The following EDIL3 variants were observed in gnomAD, a reference collection of about 807,000 sequenced individuals.
EDIL3 encodes the protein EGF-like repeat and discoidin I-like domain-containing protein 3.
EDIL3 carries 37 observed loss-of-function variants against 67.4 expected under a neutral mutation model. That is an observed-to-expected ratio of 0.55 (90% CI 0.42 to 0.72). The LOEUF (loss-of-function observed/expected upper bound fraction) is 0.72, where lower values mean the gene tolerates loss of function less well. EDIL3 is among the 30% of genes least tolerant of loss of function. The pLI, the probability that EDIL3 is intolerant of heterozygous loss-of-function variation, is 0.00. For missense variants in EDIL3, 527 were observed against 586.3 expected (o/e 0.90, Z 1.04); for synonymous variants, 195 against 196.3 (o/e 0.99, Z 0.05).
chr5:84,139,063 C>T (rs549946354), intron 4 of EDIL3, among the ~76,000 whole-genome samples: 8 of 152,208 alleles, frequency 5.3e-5, no homozygotes, highest in African/African-American at 1.9e-4. Context: ...CATGGTGAAA[C>T]CTTGTCTCTA....
At chr5:83,992,868 A>ATTTT (rs1745174734) in intron 9 of EDIL3, among the ~76,000 whole-genome samples, 1 of 151,744 alleles carries the variant, frequency 6.6e-6, no homozygotes, top group Non-Finnish European at 1.5e-5. Flanking sequence ...AAAAATATTA[A>ATTTT]AAATATTTTT....
intron 4 of EDIL3, among the ~76,000 whole-genome samples, chr5:84,153,112 C>T (rs1748426901): frequency 6.6e-6 from 1 of 152,074 alleles, no homozygotes; most frequent in Non-Finnish European, 1.5e-5. Context: ...CAATAGCTAA[C>T]ATTTCTCATT....
chr5:84,084,967 T>C (rs1285971528), intron 6 of EDIL3, among the ~76,000 whole-genome samples: 2 of 152,242 alleles, frequency 1.3e-5, no homozygotes, highest in East Asian at 1.9e-4. Context: ...GCATTGTAAT[T>C]TACCTTGAAT....
At position 84,066,457 on chromosome 5, in the gene EDIL3, T is replaced by G; in HGVS notation, c.801A>C (p.Glu267Asp). The G allele has an allele frequency of 6.3e-7, 1 of 1,596,310 alleles. No individual in the cohort carries two copies. The highest frequency in any genetic ancestry group is 8.5e-7 in the Non-Finnish European group (1 of 1,175,648). The change falls in exon 7 of 11, where the codon GAA (glutamate) becomes GAC (aspartate). Residue 267 changes from glutamate (E) to aspartate (D), a missense_variant. Glu to Asp is a conservative substitution (Grantham distance 45). Coordinates refer to ENST00000296591, the MANE Select transcript of EDIL3 (RefSeq NM_005711.5). The stretch of plus-strand genomic sequence containing the variant: ...TAGGTTAAATTATTCTTACCATGTC[T>G]TCATTGGTGCCTTTCACTTTGTACA... ...WAMYKVKGTN[E>D]DMVFRGNIDN...
intron 6 of EDIL3, among the ~76,000 whole-genome samples, chr5:84,084,991 C>T (rs1353261344): frequency 6.6e-6 from 1 of 152,060 alleles, no homozygotes; most frequent in East Asian, 1.9e-4. Flanking sequence ...TTTGAATGTC[C>T]TAATAACATA....
chr5:84,072,285 C>G (rs1561422113), intron 6 of EDIL3, among the ~76,000 whole-genome samples: 2 of 151,950 alleles, frequency 1.3e-5, no homozygotes, highest in East Asian at 1.9e-4. Flanking sequence ...TAAAACACAA[C>G]TAACCCAATA....
chr5:84,319,814 T>C (rs1267978078), intron 1 of EDIL3, among the ~76,000 whole-genome samples: 1 of 152,090 alleles, frequency 6.6e-6, no homozygotes, highest in African/African-American at 2.4e-5. Flanking sequence ...CAGAATACTA[T>C]GCAGCCATAA....
At chr5:83,978,636 C>T (rs1744913295) in intron 9 of EDIL3, among the ~76,000 whole-genome samples, 1 of 151,988 alleles carries the variant, frequency 6.6e-6, no homozygotes, top group South Asian at 2.1e-4. Flanking sequence ...AACAGTGATA[C>T]TGTTATAAGG....
chr5:84,093,663 T>TTC lies in EDIL3; in HGVS notation c.651+12985_651+12986insGA, dbSNP rs1359927910. Among the ~76,000 whole-genome samples the TTC allele has an allele frequency of 3.1e-3, 463 of 150,012 alleles. 4 individuals are homozygous for TTC. The highest frequency in any genetic ancestry group is 0.011 in the African/African-American group (437 of 40,884). On this transcript the variant is annotated intron_variant, in intron 6 of 10. Coordinates refer to ENST00000296591, the MANE Select transcript of EDIL3 (RefSeq NM_005711.5). Reference sequence around the variant, plus strand: ...GAAGAGATTTCAGATGCAGCCTTTTTTTTTTTTTTTTTTTCAGACGGGGTC... The same window carrying TTC: ...GAAGAGATTTCAGATGCAGCCTTTTTTCTTTTTTTTTTTTTTCAGACGGGGTC...
rs556346870 is a variant in EDIL3 at position 83,990,759 on chromosome 5, A to G, written c.1138-27399T>C. Among the ~76,000 whole-genome samples the G allele has an allele frequency of 1.5e-4, 23 of 151,914 alleles. 1 individual carries two copies. The highest frequency in any genetic ancestry group is 1.3e-3 in the Admixed American group (20 of 15,262). On this transcript the variant is annotated intron_variant, in intron 9 of 10. Transcript: ENST00000296591. ...GCTGGGCATGGTAGCGGGCACCTGT[A>G]ATCTCAGCTACTCAGGAGGCTGAAA... is the stretch of plus-strand genomic sequence containing the variant.
chr5:84,167,368 C>T (rs2112345474), intron 4 of EDIL3, among the ~76,000 whole-genome samples: 1 of 152,108 alleles, frequency 6.6e-6, no homozygotes, highest in East Asian at 1.9e-4. Flanking sequence ...CAGACTCCCA[C>T]ACCTCTCCTC....
At chr5:84,168,053 A>T (rs974195508) in intron 4 of EDIL3, among the ~76,000 whole-genome samples, 1 of 152,190 alleles carries the variant, frequency 6.6e-6, no homozygotes, top group African/African-American at 2.4e-5. Flanking sequence ...CAAACGATGC[A>T]TTGCCTTAAA....
chr5:83,953,752 T>C (rs1744459871), intron 10 of EDIL3, among the ~76,000 whole-genome samples: 1 of 151,822 alleles, frequency 6.6e-6, no homozygotes, highest in Admixed American at 6.6e-5. Flanking sequence ...AAGTTATTTT[T>C]TAAGCAGTTT....
At chr5:84,053,731 A>G (rs950599505) in intron 9 of EDIL3, among the ~76,000 whole-genome samples, 3 of 152,214 alleles carry the variant, frequency 2.0e-5, no homozygotes, top group African/African-American at 7.2e-5. Flanking sequence ...ATTCCTCAAC[A>G]CATACACTCT....
intron 3 of EDIL3, among the ~76,000 whole-genome samples, chr5:84,208,332 T>A (rs900264443): frequency 2.0e-5 from 3 of 151,924 alleles, no homozygotes; most frequent in Non-Finnish European, 2.9e-5. Context: ...GAAATGCAAA[T>A]CAAAACCACA....
intron 1 of EDIL3, among the ~76,000 whole-genome samples, chr5:84,291,966 T>C (rs1332720677): frequency 1.3e-5 from 2 of 151,738 alleles, no homozygotes; most frequent in East Asian, 1.9e-4. Context: ...CATTTGCCAT[T>C]GATATACCCA....
intron 1 of EDIL3, among the ~76,000 whole-genome samples, chr5:84,371,648 A>C (rs1747859520): frequency 6.6e-6 from 1 of 151,712 alleles, no homozygotes; most frequent in South Asian, 2.1e-4. Flanking sequence ...ATTATGTGTA[A>C]GAAATGAAGT....
At chr5:84,319,527 A>AAAAAAAAATG (rs1746588595) in intron 1 of EDIL3, among the ~76,000 whole-genome samples, 1 of 103,702 alleles carries the variant, frequency 9.6e-6, no homozygotes, top group African/African-American at 3.4e-5. Context: ...AAAAAAAGAA[A>AAAAAAAAATG]TAGGAATGCT....
At chr5:84,347,087 C>T (rs911749045) in intron 1 of EDIL3, among the ~76,000 whole-genome samples, 1 of 152,186 alleles carries the variant, frequency 6.6e-6, no homozygotes, top group Admixed American at 6.5e-5. Flanking sequence ...GGGATTCAAA[C>T]TTCCCAGGTA....
Sources: gnomAD v4.1 joint callset for allele counts (sites outside exome capture counted in the v4.1 genomes callset) on GRCh38, gnomAD v4.1.1 for gene constraint, MANE v1.5 for transcripts, NCBI Gene and HGNC (gene_info 2026-07-23, HGNC 2026-07-21) for gene names.